The following SLIT2 variants were observed in gnomAD, a reference collection of about 807,000 sequenced individuals.
The protein encoded by SLIT2 is slit guidance ligand 2.
SLIT2 carries 41 observed loss-of-function variants against 185.7 expected under a neutral mutation model. That is an observed-to-expected ratio of 0.22 (90% confidence interval 0.17 to 0.29). SLIT2 has a LOEUF of 0.29. Among genes scored for constraint, SLIT2 ranks in the 10% least tolerant of loss-of-function variants. SLIT2 has a pLI of 1.00. For synonymous variants in SLIT2, 693 were observed against 680.2 expected, an observed-to-expected ratio of 1.02 and a Z score of -0.29; for missense variants, 1,571 against 1,909.0, an observed-to-expected ratio of 0.82 and a Z score of 3.30.
intron 4 of SLIT2, among the ~76,000 whole-genome samples, chr4:20,389,540 T>C (rs1034667081): frequency 1.3e-4 from 19 of 150,952 alleles, no homozygotes; most frequent in African/African-American, 4.1e-4. Context: ...TGTGTTTTTT[T>C]TTTTAACCAC....
At chr4:20,423,606 G>A (rs1245099544) in intron 4 of SLIT2, among the ~76,000 whole-genome samples, 3 of 152,096 alleles carry the variant, frequency 2.0e-5, no homozygotes, top group Non-Finnish European at 4.4e-5. Flanking sequence ...CAAGAGGTCT[G>A]CCTTTGATTC....
Position 20,529,114 on chromosome 4 carries a change from C to A in SLIT2, c.1613+15C>A. ...ACTGCAGAGTTGTAAGTTCATCCCCCAACAAAATTCTGGTTGGGATGGAGG... is the reference window on the plus strand; with the variant it reads ...ACTGCAGAGTTGTAAGTTCATCCCCAAACAAAATTCTGGTTGGGATGGAGG... On this transcript the variant is annotated intron_variant, in intron 16 of 36. Coordinates refer to ENST00000504154, the MANE Select transcript of SLIT2 (RefSeq NM_004787.4). The A allele has an allele frequency of 6.4e-7, 1 of 1,563,374 alleles. No individual in the cohort carries two copies. The highest frequency in any genetic ancestry group is 8.7e-7 in the Non-Finnish European group (1 of 1,146,954).
At chr4:20,423,496 T>G (rs548618397) in intron 4 of SLIT2, among the ~76,000 whole-genome samples, 1 of 150,640 alleles carries the variant, frequency 6.6e-6, no homozygotes, top group South Asian at 2.1e-4. Context: ...TTTAACATGT[T>G]TACACAAATT....
At chr4:20,397,887 T>C (rs1726036405) in intron 4 of SLIT2, among the ~76,000 whole-genome samples, 1 of 151,860 alleles carries the variant, frequency 6.6e-6, no homozygotes, top group Non-Finnish European at 1.5e-5. Flanking sequence ...CTTTCTGTGA[T>C]GCTAAGTAGA....
At chr4:20,607,182 A>C (rs1728856926) in intron 33 of SLIT2, among the ~76,000 whole-genome samples, 1 of 152,140 alleles carries the variant, frequency 6.6e-6, no homozygotes, top group Non-Finnish European at 1.5e-5. Context: ...AAGGAAGAAA[A>C]ATCACCTAAG....
At chr4:20,546,152 G>A (rs1723232413) in intron 22 of SLIT2, 53 bp downstream of exon 22, 2 of 946,374 alleles carry the variant, frequency 2.1e-6, no homozygotes, top group African/African-American at 1.6e-5. Flanking sequence ...AGAAAATGGG[G>A]ATGGCAAGGG....
chr4:20,489,059 CA>C lies in SLIT2; in HGVS notation c.775+80del. The C allele has an allele frequency of 4.2e-6, 5 of 1,199,920 alleles. No homozygotes were observed. In the East Asian group the frequency reaches 1.2e-4, roughly 29 times the overall value. The allele number at this position is 1,199,920 out of a possible 1,614,324, so 74.3% of individuals were successfully genotyped here. A position where few individuals can be genotyped will look rare whatever the true frequency, so the allele number is the denominator to read the frequency against. On this transcript the variant is annotated intron_variant, in intron 8 of 36. Coordinates refer to ENST00000504154, the MANE Select transcript of SLIT2 (RefSeq NM_004787.4). ...AACAGAATGTGAGGGCTGCATGCGT[CA>C]AAGGTTTCAGTATTGTTCACTAATG...
chr4:20,270,183 A>G (rs60036988), intron 4 of SLIT2, among the ~76,000 whole-genome samples: 1,938 of 152,106 alleles, frequency 0.013, 41 homozygotes, highest in African/African-American at 0.045. Context: ...TATGCATATC[A>G]GTAGATAATT....
intron 4 of SLIT2, among the ~76,000 whole-genome samples, chr4:20,431,718 G>A (rs1306927972): frequency 1.3e-5 from 2 of 152,196 alleles, no homozygotes; most frequent in Non-Finnish European, 2.9e-5. Context: ...AGGGCTGGTC[G>A]AGGTCCGCTG....
intron 9 of SLIT2, among the ~76,000 whole-genome samples, chr4:20,509,149 A>G (rs1443983612): frequency 2.0e-5 from 3 of 151,328 alleles, no homozygotes; most frequent in African/African-American, 4.8e-5. Flanking sequence ...ATATATACAC[A>G]TATGTATACA....
At chr4:20,344,342 T>C (rs1721207033) in intron 4 of SLIT2, among the ~76,000 whole-genome samples, 1 of 152,162 alleles carries the variant, frequency 6.6e-6, no homozygotes, top group Non-Finnish European at 1.5e-5. Flanking sequence ...TCATTTTGAT[T>C]AGAGCAATTT....
At chr4:20,366,780 G>T (rs1161324419) in intron 4 of SLIT2, among the ~76,000 whole-genome samples, 1 of 151,932 alleles carries the variant, frequency 6.6e-6, no homozygotes, top group East Asian at 1.9e-4. Context: ...TAATATTTTA[G>T]GGTTTTTTTA....
intron 29 of SLIT2, among the ~76,000 whole-genome samples, chr4:20,569,918 A>G (rs1725426855): frequency 1.3e-5 from 2 of 152,136 alleles, no homozygotes; most frequent in South Asian, 4.1e-4. Context: ...TGGAGTTAAC[A>G]TCTCATAACA....
intron 31 of SLIT2, 78 bp from the exon 32 acceptor site, chr4:20,596,337 A>G: frequency 3.0e-6 from 4 of 1,352,204 alleles, no homozygotes; most frequent in Non-Finnish European, 3.1e-6. Flanking sequence ...ATATACAGTT[A>G]TGTTATACAG....
chr4:20,276,437 G>A lies in SLIT2; in HGVS notation c.395+7556G>A, dbSNP rs544560103. On this transcript the variant is annotated intron_variant, in intron 4 of 36. Transcript: ENST00000504154. ...ACTAAATCTTAGAGAAGGAAGCAGTGAAGAGTAAAAAGACCAGTCCTTGAC... is the reference window on the plus strand; with the variant it reads ...ACTAAATCTTAGAGAAGGAAGCAGTAAAGAGTAAAAAGACCAGTCCTTGAC... Among the ~76,000 whole-genome samples the A allele has an allele frequency of 9.9e-5, 15 of 152,256 alleles. No individual in the cohort carries two copies. The South Asian group carries it at 3.1e-3, about 32-fold the overall frequency.
At chr4:20,472,009 CT>C (rs1715090701) in intron 5 of SLIT2, among the ~76,000 whole-genome samples, 1 of 151,398 alleles carries the variant, frequency 6.6e-6, no homozygotes. Flanking sequence ...ATGAGATATG[CT>C]GTGAGAATAG....
intron 26 of SLIT2, 135 bp from the exon 27 acceptor site, chr4:20,567,127 C>T: frequency 1.2e-6 from 1 of 803,430 alleles, no homozygotes; most frequent in Non-Finnish European, 2.0e-6. Flanking sequence ...TCTGGCTTGT[C>T]ATGGATGAGA....
intron 16 of SLIT2, among the ~76,000 whole-genome samples, chr4:20,530,290 GAC>G (rs1721680672): frequency 6.7e-6 from 1 of 148,324 alleles, no homozygotes; most frequent in South Asian, 2.1e-4. Context: ...TTTTTTTTGA[GAC>G]AGAGTCTCAC....
intron 11 of SLIT2, among the ~76,000 whole-genome samples, chr4:20,511,593 T>TTTTTATTTTTTA (rs1553915388): frequency 1.5e-5 from 2 of 134,246 alleles, no homozygotes; most frequent in African/African-American, 5.5e-5. Context: ...GCTAATTTTT[T>TTTTTATTTTTTA]TTTTTTTTTT....
Sources: allele counts gnomAD v4.1 joint callset (sites outside exome capture counted in the v4.1 genomes callset), GRCh38; gene constraint gnomAD v4.1.1; transcripts MANE v1.5; gene names NCBI Gene and HGNC (gene_info 2026-07-23, HGNC 2026-07-21).